The following CHN1 variants were observed in gnomAD, a reference collection of about 807,000 sequenced individuals.
CHN1 encodes the protein chimerin 1.
CHN1 carries 37 observed loss-of-function variants against 59.5 expected under a neutral mutation model. The observed-to-expected ratio is 0.62, with a 90% CI of 0.48 to 0.82. The LOEUF (loss-of-function observed/expected upper bound fraction) is 0.82, where lower values mean the gene tolerates loss of function less well. CHN1 is among the 40% of genes least tolerant of loss of function. The pLI is 0.00. For missense variants in CHN1, 469 were observed against 571.0 expected, an observed-to-expected ratio of 0.82 and a Z score of 1.82; for synonymous variants, 206 against 200.4, an observed-to-expected ratio of 1.03 and a Z score of -0.24.
chr2:174,857,140 T>G (rs940654422), intron 6 of CHN1, among the ~76,000 whole-genome samples: 2 of 152,144 alleles, frequency 1.3e-5, no homozygotes, highest in Non-Finnish European at 2.9e-5. Context: ...AATTAGGAAG[T>G]TGGTGGGAAT....
At chr2:174,801,128 G>A (rs1478248131) in intron 12 of CHN1, among the ~76,000 whole-genome samples, 2 of 152,198 alleles carry the variant, frequency 1.3e-5, no homozygotes, top group African/African-American at 4.8e-5. Context: ...ACCAAGTAGG[G>A]AGTAAAGCTG....
intron 6 of CHN1, among the ~76,000 whole-genome samples, chr2:174,852,594 G>T (rs2105443436): frequency 6.6e-6 from 1 of 152,124 alleles, no homozygotes; most frequent in Admixed American, 6.5e-5. Flanking sequence ...AAATTCATAT[G>T]AAACCAAAAA....
intron 6 of CHN1, chr2:174,847,664 A>T: frequency 7.6e-7 from 1 of 1,319,898 alleles, no homozygotes; most frequent in Non-Finnish European, 1.0e-6. Flanking sequence ...GTAAGAAAGG[A>T]GATAACCAAT....
chr2:174,864,025 A>G (rs76966520), intron 6 of CHN1, among the ~76,000 whole-genome samples: 6,379 of 152,280 alleles, frequency 0.042, 469 homozygotes, highest in African/African-American at 0.14. Flanking sequence ...ATGAAATGCT[A>G]ATCTTTCAGT....
intron 1 of CHN1, among the ~76,000 whole-genome samples, chr2:174,955,112 T>A (rs190649405): frequency 6.7e-6 from 1 of 148,838 alleles, no homozygotes; most frequent in South Asian, 2.1e-4. Flanking sequence ...TATAGATCTA[T>A]AGATCTATAG....
chr2:174,869,328 A>T (rs923391035), intron 6 of CHN1, among the ~76,000 whole-genome samples: 10 of 152,226 alleles, frequency 6.6e-5, no homozygotes, highest in Non-Finnish European at 5.9e-5. Context: ...GAAAGTTTAC[A>T]TTCCAAAATT....
chr2:174,872,092 G>C (rs1050334956), intron 6 of CHN1, among the ~76,000 whole-genome samples: 3 of 152,090 alleles, frequency 2.0e-5, no homozygotes, highest in African/African-American at 7.2e-5. Flanking sequence ...GACCAGCTTG[G>C]GCAACATGGA....
intron 3 of CHN1, among the ~76,000 whole-genome samples, chr2:174,943,581 T>C (rs908268279): frequency 1.3e-5 from 2 of 152,070 alleles, no homozygotes; most frequent in African/African-American, 2.4e-5. Context: ...TACGTGACCA[T>C]TTACATGGTT....
chr2:174,832,916 A>C (rs1574067985), intron 7 of CHN1, among the ~76,000 whole-genome samples: 2 of 152,110 alleles, frequency 1.3e-5, no homozygotes, highest in East Asian at 3.9e-4. Context: ...GTGTATCTAA[A>C]TGTATCTAAA....
chr2:174,920,327 T>C (rs1688979580), intron 3 of CHN1, among the ~76,000 whole-genome samples: 1 of 152,166 alleles, frequency 6.6e-6, no homozygotes, highest in Admixed American at 6.5e-5. Flanking sequence ...ATTAATTTCA[T>C]TTCCTTTGGG....
intron 1 of CHN1, among the ~76,000 whole-genome samples, chr2:174,968,999 T>C (rs767524137): frequency 1.3e-5 from 2 of 152,216 alleles, no homozygotes; most frequent in Non-Finnish European, 2.9e-5. Flanking sequence ...TACTAATGTG[T>C]GATTATAGAG....
intron 4 of CHN1, among the ~76,000 whole-genome samples, chr2:174,915,458 A>AAGAGGACAATTCCTTTCTT (rs1225832924): frequency 6.6e-6 from 1 of 152,026 alleles, no homozygotes; most frequent in Admixed American, 6.6e-5. Flanking sequence ...CACCTCTCTC[A>AAGAGGACAATTCCTTTCTT]AGAGGACAAT....
chr2:174,824,337 C>G, intron 8 of CHN1, 97 bp downstream of exon 8: 2 of 868,808 alleles, frequency 2.3e-6, no homozygotes, highest in Non-Finnish European at 3.4e-6. Flanking sequence ...AAACCAGGAT[C>G]CAGCCTACTG....
intron 6 of CHN1, among the ~76,000 whole-genome samples, chr2:174,858,979 T>TAC (rs71407155): frequency 0.031 from 4,399 of 142,470 alleles, 78 homozygotes; most frequent in African/African-American, 0.059. Flanking sequence ...TTTCCTCCTC[T>TAC]ACACACACAC....
In CHN1 at chr2:174,838,619, G is replaced by A. The variant is rs527432533; in HGVS notation, c.627+8261C>T. On this transcript the variant is annotated intron_variant, in intron 7 of 12. Coordinates refer to ENST00000409900, the MANE Select transcript of CHN1 (RefSeq NM_001822.7). ...AGGGGTGAGTGAATATAAGATAGAAGAGATTACGAGAAGGGGCTTTAGAGT... is the reference window on the plus strand; with the variant it reads ...AGGGGTGAGTGAATATAAGATAGAAAAGATTACGAGAAGGGGCTTTAGAGT... Among the ~76,000 whole-genome samples the A allele has an allele frequency of 5.9e-5, 9 of 152,266 alleles. 1 individual carries two copies. In the South Asian group the frequency reaches 1.9e-3, roughly 32 times the overall value.
At chr2:174,831,907 TAAGTA>T (rs1685894174) in intron 7 of CHN1, among the ~76,000 whole-genome samples, 1 of 152,060 alleles carries the variant, frequency 6.6e-6, no homozygotes, top group South Asian at 2.1e-4. Context: ...GGAAAATAAA[TAAGTA>T]AATGGTTGTG....
intron 1 of CHN1, among the ~76,000 whole-genome samples, chr2:175,000,719 C>G (rs1439324215): frequency 6.6e-6 from 1 of 152,252 alleles, no homozygotes; most frequent in South Asian, 2.1e-4. Flanking sequence ...GCTGGTATTA[C>G]AGGCATGAAC....
At chr2:174,811,353 C>G in intron 10 of CHN1, 158 bp downstream of exon 10, 1 of 540,892 alleles carries the variant, frequency 1.8e-6, no homozygotes, top group South Asian at 3.1e-5. Flanking sequence ...ATACTTACAA[C>G]TCAGAAAAAA....
intron 11 of CHN1, among the ~76,000 whole-genome samples, chr2:174,805,663 G>A (rs1019623471): frequency 6.6e-6 from 1 of 152,222 alleles, no homozygotes; most frequent in Admixed American, 6.5e-5. Context: ...TCTGGAAAAT[G>A]TGAACATTGT....
Sources: allele counts gnomAD v4.1 joint callset (sites outside exome capture counted in the v4.1 genomes callset), GRCh38; gene constraint gnomAD v4.1.1; transcripts MANE v1.5; gene names NCBI Gene and HGNC (gene_info 2026-07-23, HGNC 2026-07-21).